ANKRD44: variants seen among roughly 807,000 people sequenced by gnomAD.
ANKRD44 encodes the protein serine/threonine-protein phosphatase 6 regulatory ankyrin repeat subunit B.
Under a neutral mutation model 116.0 loss-of-function variants are expected in ANKRD44, and 35 were observed. The observed-to-expected ratio is 0.30, with a 90% CI of 0.23 to 0.40. The LOEUF (loss-of-function observed/expected upper bound fraction) is 0.40, where lower values mean the gene tolerates loss of function less well. Ranked by LOEUF, ANKRD44 falls within the 10% of genes least tolerant of loss-of-function variation. The pLI, the probability that ANKRD44 is intolerant of heterozygous loss-of-function variation, is 1.00. For synonymous variants in ANKRD44, 435 were observed against 461.8 expected (o/e 0.94, Z 0.74); for missense variants, 1,014 against 1,242.6 (o/e 0.82, Z 2.77).
chr2:197,021,880 T>G (rs1365056577), intron 17 of ANKRD44, among the ~76,000 whole-genome samples: 1 of 152,226 alleles, frequency 6.6e-6, no homozygotes. Context: ...GGGAAAGAAT[T>G]GGGATCTCAA....
intron 2 of ANKRD44, among the ~76,000 whole-genome samples, chr2:197,166,196 C>T (rs7594879): frequency 0.14 from 21,548 of 152,212 alleles, 1,724 homozygotes; most frequent in Middle Eastern, 0.19. Flanking sequence ...TACACAATGG[C>T]ACTGCCTCCT....
At chr2:197,283,941 G>C (rs2083334512) in intron 1 of ANKRD44, among the ~76,000 whole-genome samples, 1 of 152,180 alleles carries the variant, frequency 6.6e-6, no homozygotes, top group Non-Finnish European at 1.5e-5. Context: ...TCAGTATTCA[G>C]TTACTTAACT....
chr2:197,076,340 G>T (rs892609946), intron 16 of ANKRD44, among the ~76,000 whole-genome samples: 1 of 152,162 alleles, frequency 6.6e-6, no homozygotes, highest in Admixed American at 6.5e-5. Context: ...TCACCTCCTA[G>T]TGCATGTAAG....
rs918419498 is a variant in ANKRD44 at position 197,309,849 on chromosome 2, C to G, written c.27+729G>C. Among the ~76,000 whole-genome samples, 3 of 152,282 alleles carry G rather than the reference C, an allele frequency of 2.0e-5. No homozygotes were observed. The South Asian group carries it at 6.2e-4, about 32-fold the overall frequency. ...CTGTCAATCCGATTCAGCAAATAACCCCACCTCTCCAAGCCAGGACTCCAG... is the reference window on the plus strand; with the variant it reads ...CTGTCAATCCGATTCAGCAAATAACGCCACCTCTCCAAGCCAGGACTCCAG... On this transcript the variant is annotated intron_variant, in intron 1 of 27. Coordinates refer to ENST00000282272, the MANE Select transcript of ANKRD44 (RefSeq NM_001195144.2).
intron 16 of ANKRD44, among the ~76,000 whole-genome samples, chr2:197,047,912 GA>G (rs879398505): frequency 0.067 from 8,264 of 122,862 alleles, 593 homozygotes; most frequent in African/African-American, 0.2. Flanking sequence ...TCCGCAAAAA[GA>G]AAAAAAAAAA....
chr2:197,103,630 G>T (rs1217911474), intron 9 of ANKRD44, among the ~76,000 whole-genome samples: 5 of 152,082 alleles, frequency 3.3e-5, no homozygotes, highest in Admixed American at 1.3e-4. Flanking sequence ...ATATAAATAT[G>T]AATGACTTCA....
intron 2 of ANKRD44, among the ~76,000 whole-genome samples, chr2:197,182,758 T>C (rs922209858): frequency 1.3e-5 from 2 of 152,216 alleles, no homozygotes; most frequent in Non-Finnish European, 2.9e-5. Flanking sequence ...ATCCCACGAA[T>C]GTTGTATTTT....
chr2:197,219,825 A>G (rs754013715), intron 1 of ANKRD44, among the ~76,000 whole-genome samples: 10 of 152,178 alleles, frequency 6.6e-5, no homozygotes, highest in Non-Finnish European at 7.4e-5. Context: ...GGAAAAAGAC[A>G]TTCTACAGAG....
intron 2 of ANKRD44, among the ~76,000 whole-genome samples, chr2:197,153,659 AAT>A (rs1243894411): frequency 6.6e-6 from 1 of 152,248 alleles, no homozygotes; most frequent in Non-Finnish European, 1.5e-5. Context: ...AATACACAGA[AAT>A]ACAGAAAGTA....
intron 16 of ANKRD44, among the ~76,000 whole-genome samples, chr2:197,036,661 T>C (rs1196619713): frequency 1.3e-5 from 2 of 152,210 alleles, no homozygotes; most frequent in Non-Finnish European, 2.9e-5. Flanking sequence ...CACCCTCCAG[T>C]GTGTATTCAG....
chr2:196,972,006 G>A (rs953036537), intron 21 of ANKRD44, among the ~76,000 whole-genome samples: 2 of 152,136 alleles, frequency 1.3e-5, no homozygotes, highest in Non-Finnish European at 2.9e-5. Flanking sequence ...TAGGCCTCAA[G>A]TGTAGCCAAG....
chr2:196,975,891 G>T (rs1011541352), intron 21 of ANKRD44, among the ~76,000 whole-genome samples: 1 of 151,320 alleles, frequency 6.6e-6, no homozygotes, highest in South Asian at 2.1e-4. Context: ...ATCAAGAAAA[G>T]AAATTGATAT....
At chr2:197,084,280 C>A (rs377211939) in intron 13 of ANKRD44, among the ~76,000 whole-genome samples, 1 of 152,084 alleles carries the variant, frequency 6.6e-6, no homozygotes, top group African/African-American at 2.4e-5. Flanking sequence ...TACCTTTGTC[C>A]AGGTTGGTTT....
chr2:197,170,886 G>A (rs916862223), intron 2 of ANKRD44, among the ~76,000 whole-genome samples: 3 of 152,176 alleles, frequency 2.0e-5, no homozygotes, highest in Admixed American at 6.5e-5. Context: ...TTCTCCCCTA[G>A]TTGATGGGGC....
intron 1 of ANKRD44, among the ~76,000 whole-genome samples, chr2:197,236,168 C>T (rs1307193613): frequency 6.6e-6 from 1 of 152,178 alleles, no homozygotes; most frequent in Non-Finnish European, 1.5e-5. Context: ...AGGGACTTCT[C>T]TTCAAAGCCT....
chr2:197,125,074 T>G (rs2078944937), intron 6 of ANKRD44, among the ~76,000 whole-genome samples: 1 of 152,282 alleles, frequency 6.6e-6, no homozygotes, highest in African/African-American at 2.4e-5. Context: ...CACCTTATTT[T>G]ACTGCCATGA....
At chr2:197,142,724 T>G (rs571174718) in intron 3 of ANKRD44, among the ~76,000 whole-genome samples, 4 of 152,356 alleles carry the variant, frequency 2.6e-5, no homozygotes, top group Admixed American at 2.6e-4. Flanking sequence ...GAATATTTGT[T>G]ATGCATAAGG....
chr2:197,301,540 C>T (rs147404071), intron 1 of ANKRD44: 1 of 152,104 alleles, frequency 6.6e-6, no homozygotes, highest in Admixed American at 6.6e-5. Context: ...AATATGTGAT[C>T]TTTTATCTTT....
chr2:197,037,762 A>G (rs2076834597), intron 16 of ANKRD44, among the ~76,000 whole-genome samples: 1 of 152,130 alleles, frequency 6.6e-6, no homozygotes, highest in South Asian at 2.1e-4. Context: ...ACATAGTGAG[A>G]ACCTGTCTCT....
Sources: gnomAD v4.1 joint callset for allele counts (sites outside exome capture counted in the v4.1 genomes callset) on GRCh38, gnomAD v4.1.1 for gene constraint, MANE v1.5 for transcripts, NCBI Gene and HGNC (gene_info 2026-07-23, HGNC 2026-07-21) for gene names.